Variants in RIMS1 observed in about 807,000 individuals in gnomAD.
The protein encoded by RIMS1 is regulating synaptic membrane exocytosis 1, also known as regulating synaptic membrane exocytosis protein 1.
In RIMS1, 83 loss-of-function variants were observed where a neutral mutation model predicts 214.1. The observed-to-expected ratio is 0.39, with a 90% CI of 0.32 to 0.47. The LOEUF is 0.47. Ranked by LOEUF, RIMS1 falls within the 20% of genes least tolerant of loss-of-function variation. The pLI is 0.99. For synonymous variants in RIMS1, 793 were observed against 786.8 expected, an observed-to-expected ratio of 1.01 and a Z score of -0.13; for missense variants, 2,050 against 2,161.8, an observed-to-expected ratio of 0.95 and a Z score of 1.03.
intron 29 of RIMS1, among the ~76,000 whole-genome samples, chr6:72,341,951 C>G (rs1033182605): frequency 6.6e-6 from 1 of 151,772 alleles, no homozygotes; most frequent in African/African-American, 2.4e-5. Flanking sequence ...TTGCAGGACT[C>G]TTTCACAATT....
chr6:72,008,498 T>C (rs550528516), intron 2 of RIMS1, among the ~76,000 whole-genome samples: 6 of 152,308 alleles, frequency 3.9e-5, no homozygotes, highest in Non-Finnish European at 7.4e-5. Flanking sequence ...GTAAATGGGC[T>C]AAATGCTCCA....
At chr6:71,926,644 T>C (rs1781651968) in intron 1 of RIMS1, among the ~76,000 whole-genome samples, 1 of 152,224 alleles carries the variant, frequency 6.6e-6, no homozygotes, top group Non-Finnish European at 1.5e-5. Flanking sequence ...GGGATATGGT[T>C]GATACCCGTC....
chr6:71,975,546 GT>G (rs1409351388), intron 2 of RIMS1, among the ~76,000 whole-genome samples: 1 of 152,112 alleles, frequency 6.6e-6, no homozygotes, highest in Non-Finnish European at 1.5e-5. Flanking sequence ...TTTGTTTGTA[GT>G]TTTTGCTGGT....
chr6:72,240,526 A>G (rs571040723), intron 9 of RIMS1, among the ~76,000 whole-genome samples: 1 of 151,284 alleles, frequency 6.6e-6, no homozygotes, highest in South Asian at 2.1e-4. Flanking sequence ...ACATGTTCAT[A>G]TTATATGTGT....
chr6:72,264,893 C>T (rs574361173), intron 19 of RIMS1, 82 bp from the exon 20 acceptor site: 1 of 824,448 alleles, frequency 1.2e-6, no homozygotes, highest in African/African-American at 1.8e-5. Context: ...CTTTATAGGC[C>T]TCCTACTTTC....
chr6:72,304,828 A>T (rs1011176971), intron 26 of RIMS1, among the ~76,000 whole-genome samples: 1 of 152,024 alleles, frequency 6.6e-6, no homozygotes, highest in African/African-American at 2.4e-5. Context: ...GTAAATAATG[A>T]TAAGCTATTA....
At chr6:72,128,931 C>A (rs935236362) in intron 4 of RIMS1, among the ~76,000 whole-genome samples, 1 of 152,022 alleles carries the variant, frequency 6.6e-6, no homozygotes, top group Non-Finnish European at 1.5e-5. Context: ...TTTAATATTC[C>A]CACATTGCAT....
chr6:71,944,300 G>C (rs750660706), intron 1 of RIMS1, among the ~76,000 whole-genome samples: 2 of 152,194 alleles, frequency 1.3e-5, no homozygotes, highest in Non-Finnish European at 2.9e-5. Context: ...ATTTTGAGAA[G>C]ATTGTTAGAA....
At chr6:72,069,805 A>G (rs923455957) in intron 2 of RIMS1, among the ~76,000 whole-genome samples, 1 of 152,168 alleles carries the variant, frequency 6.6e-6, no homozygotes, top group Non-Finnish European at 1.5e-5. Context: ...GATCATCACT[A>G]CAGCAGTCAA....
chr6:72,368,240 C>T (rs1016091940), intron 29 of RIMS1, among the ~76,000 whole-genome samples: 1 of 149,800 alleles, frequency 6.7e-6, no homozygotes, highest in African/African-American at 2.5e-5. Flanking sequence ...TTTTTTCCCC[C>T]TTATGTTATA....
At chr6:72,027,514 A>G (rs1378716615) in intron 2 of RIMS1, among the ~76,000 whole-genome samples, 4 of 152,152 alleles carry the variant, frequency 2.6e-5, no homozygotes, top group Non-Finnish European at 5.9e-5. Context: ...GCTGATAACA[A>G]TCTAATATAA....
chr6:72,312,095 T>C (rs2095540597), intron 27 of RIMS1, among the ~76,000 whole-genome samples: 1 of 152,220 alleles, frequency 6.6e-6, no homozygotes, highest in African/African-American at 2.4e-5. Context: ...TAATCTTCTT[T>C]TTAGTACCTA....
intron 4 of RIMS1, among the ~76,000 whole-genome samples, chr6:72,132,995 T>C (rs1228448741): frequency 3.9e-5 from 6 of 151,986 alleles, no homozygotes; most frequent in Non-Finnish European, 7.4e-5. Context: ...TATCTAGTCA[T>C]GACAAATGAG....
chr6:72,087,808 A>T (rs2463748), intron 2 of RIMS1, among the ~76,000 whole-genome samples: 151,570 of 152,288 alleles, frequency 1, 75,431 homozygotes, highest in Middle Eastern at 1. Flanking sequence ...TTATCCCACT[A>T]TAAAATTTCC....
intron 1 of RIMS1, among the ~76,000 whole-genome samples, chr6:71,938,976 C>T (rs1408343540): frequency 6.6e-6 from 1 of 152,026 alleles, no homozygotes; most frequent in African/African-American, 2.4e-5. Context: ...CATTTCTTTC[C>T]TCTCACATCT....
At chr6:71,983,775 G>A (rs1266204427) in intron 2 of RIMS1, among the ~76,000 whole-genome samples, 2 of 152,164 alleles carry the variant, frequency 1.3e-5, no homozygotes, top group Non-Finnish European at 2.9e-5. Context: ...GAAATAAATC[G>A]TGGATAAATT....
intron 28 of RIMS1, among the ~76,000 whole-genome samples, chr6:72,319,562 C>T (rs1205632156): frequency 1.3e-5 from 2 of 152,164 alleles, no homozygotes; most frequent in African/African-American, 4.8e-5. Context: ...CTGCTTTTGA[C>T]TCAGATGTGA....
intron 29 of RIMS1, among the ~76,000 whole-genome samples, chr6:72,361,085 G>A (rs1473349453): frequency 6.9e-6 from 1 of 145,224 alleles, no homozygotes; most frequent in African/African-American, 2.5e-5. Context: ...TGTAGGAACG[G>A]GTCTTTCTTT....
intron 4 of RIMS1, chr6:72,148,646 T>C: frequency 2.2e-6 from 1 of 456,644 alleles, no homozygotes; most frequent in Non-Finnish European, 4.4e-6. Context: ...CAGGAATTAG[T>C]TATGCTTAAC....
Sources: allele counts gnomAD v4.1 joint callset (sites outside exome capture counted in the v4.1 genomes callset), GRCh38; gene constraint gnomAD v4.1.1; transcripts MANE v1.5; gene names NCBI Gene and HGNC (gene_info 2026-07-23, HGNC 2026-07-21).